Variants in EHF observed in about 807,000 individuals in gnomAD.
EHF encodes the protein ESE3 transcription factor.
In EHF, 14 loss-of-function variants were observed where a neutral mutation model predicts 45.1. The observed-to-expected ratio is 0.31, with a 90% CI of 0.21 to 0.49. The LOEUF (loss-of-function observed/expected upper bound fraction) is 0.49, where lower values mean the gene tolerates loss of function less well. Ranked by LOEUF, EHF falls within the 20% of genes least tolerant of loss-of-function variation. The probability of loss-of-function intolerance (pLI) is 0.99; values close to 1 mark genes in which losing one functional copy is unlikely to be tolerated. For missense variants in EHF, 282 were observed against 371.4 expected (o/e 0.76, Z 1.98); for synonymous variants, 136 against 131.8 (o/e 1.03, Z -0.22).
intron 2 of EHF, among the ~76,000 whole-genome samples, chr11:34,644,283 A>G (rs1380361440): frequency 6.6e-6 from 1 of 152,250 alleles, no homozygotes; most frequent in African/African-American, 2.4e-5. Flanking sequence ...TAGAAAAAGA[A>G]AGATGAAAGA....
At chr11:34,636,528 C>T (rs1384070007) in intron 1 of EHF, among the ~76,000 whole-genome samples, 5 of 152,214 alleles carry the variant, frequency 3.3e-5, no homozygotes, top group East Asian at 1.9e-4. Context: ...ACATATGAGA[C>T]GTTATGCTGG....
At chr11:34,621,890 GACAAGCTAACCCTTTGTTT>G (rs1196741789) in intron 1 of EHF, among the ~76,000 whole-genome samples, 5 of 152,262 alleles carry the variant, frequency 3.3e-5, no homozygotes, top group Middle Eastern at 3.4e-3. Flanking sequence ...ATAACAAGGG[GACAAGCTAACCCTTTGTTT>G]ACAAACTAAC....
chr11:34,651,786 C>T lies in EHF; in HGVS notation c.525C>T (p.Thr175=). The T allele has an allele frequency of 6.2e-7, 1 of 1,613,884 alleles. No homozygotes were observed. ...TFCRAQISMT[T]TSHLPVAESP... ...GCCGGGCTCAGATCTCCATGACAAC[C>T]ACCAGTCACCTTCCTGTTGGTAAGC... Residue 175 remains threonine, a synonymous_variant, in exon 6 of 9, where the codon ACC becomes ACT. Transcript: ENST00000257831.
chr11:34,632,281 C>T (rs1397018562), intron 1 of EHF, among the ~76,000 whole-genome samples: 1 of 152,148 alleles, frequency 6.6e-6, no homozygotes, highest in East Asian at 1.9e-4. Context: ...AACTCTGCTG[C>T]CAACTCAAAT....
At chr11:34,658,768 G>A (rs1248169067) in intron 8 of EHF, 40 bp downstream of exon 8, 14 of 1,607,770 alleles carry the variant, frequency 8.7e-6, no homozygotes, top group Admixed American at 1.7e-5. Flanking sequence ...AAGGCTGTAC[G>A]ACCCATTATT....
chr11:34,651,952 G>C, intron 6 of EHF, 147 bp downstream of exon 6: 1 of 764,520 alleles, frequency 1.3e-6, no homozygotes, highest in Non-Finnish European at 2.0e-6. Flanking sequence ...GACGAGGTTT[G>C]CTTTTGAGGC....
intron 3 of EHF, 57 bp from the exon 4 acceptor site, chr11:34,648,962 C>T: frequency 6.6e-7 from 1 of 1,511,330 alleles, no homozygotes; most frequent in Non-Finnish European, 9.2e-7. Context: ...CTTATTTAAG[C>T]ATCCAGTTCT....
chr11:34,658,198 G>T (rs891841787), intron 7 of EHF, among the ~76,000 whole-genome samples: 1 of 152,218 alleles, frequency 6.6e-6, no homozygotes, highest in Non-Finnish European at 1.5e-5. Context: ...GCAATTTGTG[G>T]ATAATAACTA....
chr11:34,651,456 G>GTTGA (rs779790806), intron 4 of EHF, 86 bp from the exon 5 acceptor site: 89 of 1,129,056 alleles, frequency 7.9e-5, no homozygotes, highest in Non-Finnish European at 1.1e-4. Flanking sequence ...CCCATACTTT[G>GTTGA]TTGATGAACA....
chr11:34,651,457 T>C, intron 4 of EHF, 85 bp from the exon 5 acceptor site: 1 of 1,138,828 alleles, frequency 8.8e-7, no homozygotes, highest in South Asian at 1.3e-5. Flanking sequence ...CCATACTTTG[T>C]TGATGAACAA....
intron 4 of EHF, among the ~76,000 whole-genome samples, chr11:34,649,657 C>G (rs1854948089): frequency 1.3e-5 from 2 of 152,216 alleles, no homozygotes; most frequent in Non-Finnish European, 2.9e-5. Flanking sequence ...TCTACAGTCC[C>G]ATAGCATCTA....
chr11:34,644,323 C>A (rs1854306699), intron 2 of EHF, among the ~76,000 whole-genome samples: 1 of 152,202 alleles, frequency 6.6e-6, no homozygotes, highest in Non-Finnish European at 1.5e-5. Context: ...TATATCCCAT[C>A]CTTAAACAGC....
intron 1 of EHF, chr11:34,631,705 G>T (rs923455480): frequency 8.3e-6 from 3 of 361,104 alleles, no homozygotes; most frequent in Non-Finnish European, 1.2e-5. Flanking sequence ...TATGCTTTTT[G>T]CCCAGGGCTG....
chr11:34,624,185 A>T, intron 1 of EHF: 10 of 539,102 alleles, frequency 1.9e-5, no homozygotes, highest in Non-Finnish European at 2.4e-5. Flanking sequence ...TTGACGTGAC[A>T]CTCATTTCTG....
rs146439677 is a variant in EHF, at chr11:34,646,637, C to T, written c.296C>T (p.Thr99Met). The change falls in exon 3 of 9, where the codon ACG becomes ATG. Residue 99 changes from threonine to methionine, a missense_variant. This residue lies in a region of EHF where 213 missense variants were observed against 247.3 expected (regional missense o/e 0.86). Coordinates refer to ENST00000257831, the MANE Select transcript of EHF (RefSeq NM_012153.6). The stretch of plus-strand genomic sequence containing the variant: ...CAGGAGTTCACCCGGGCGGCAGGGA[C>T]GGCGGGGCAGCTCCTCTACAGCAAC... Reference protein sequence around the residue: ...SLQEFTRAAGTAGQLLYSNLQ... With the variant: ...SLQEFTRAAGMAGQLLYSNLQ... 146 of 1,613,492 alleles carry T rather than the reference C, an allele frequency of 9.0e-5. No individual in the cohort carries two copies. In the African/African-American group the frequency reaches 1.3e-3, roughly 14 times the overall value.
At position 34,642,709 on chromosome 11, in the gene EHF, A is replaced by G. The variant is rs1416548960; in HGVS notation, c.79A>G (p.Ser27Gly). 6.2e-7 allele frequency: 1 copy of G among 1,613,862 alleles called. No individual in the cohort carries two copies. Among genetic ancestry groups the G allele is most frequent in the Non-Finnish European group, 8.5e-7 (1 of 1,179,892 alleles). Residue 27 changes from serine to glycine, a missense_variant, in exon 2 of 9, where the codon AGC becomes GGC. By Grantham distance (56) the Ser-to-Gly change is moderately conservative (BLOSUM62 0). Around this residue, in one of 3 missense-constraint regions of EHF, gnomAD observed 213 missense variants for 247.3 expected, o/e 0.86. Coordinates refer to ENST00000257831, the MANE Select transcript of EHF (RefSeq NM_012153.6). ...LLHQPPAWTDSYSTCNVSSGF... is the reference protein window; with the variant it reads ...LLHQPPAWTDGYSTCNVSSGF... The stretch of plus-strand genomic sequence containing the variant: ...TCACCAGCCGCCAGCCTGGACAGAC[A>G]GCTACTCCACGTGCAATGGTAAGAG...
rs1489929156 is a variant in EHF at position 34,656,853 on chromosome 11, A to G, written c.545-55A>G. The stretch of plus-strand genomic sequence containing the variant: ...GTTTAAATGAGTGGATGCATGAATA[A>G]AAAAGAGAATTATAGGAAATAGGTC... On this transcript the variant is annotated intron_variant, in intron 6 of 8. Coordinates refer to ENST00000257831, the MANE Select transcript of EHF (RefSeq NM_012153.6). The G allele has an allele frequency of 3.2e-6, 5 of 1,585,786 alleles. No individual in the cohort carries two copies. The African/African-American group carries it at 4.1e-5, about 13-fold the overall frequency.
intron 3 of EHF, among the ~76,000 whole-genome samples, chr11:34,647,428 A>C (rs1590506199): frequency 6.6e-6 from 1 of 152,180 alleles, no homozygotes. Context: ...CATATCCTAT[A>C]CTGACATGTA....
chr11:34,645,957 C>G (rs1443513416), intron 2 of EHF, among the ~76,000 whole-genome samples: 1 of 151,140 alleles, frequency 6.6e-6, no homozygotes, highest in Non-Finnish European at 1.5e-5. Context: ...TGAGGAAAAG[C>G]AAAGGCATCG....
Sources: allele counts gnomAD v4.1 joint callset (sites outside exome capture counted in the v4.1 genomes callset), GRCh38; gene constraint gnomAD v4.1.1; regional missense constraint gnomAD v4.1.1; transcripts MANE v1.5; gene names NCBI Gene and HGNC (gene_info 2026-07-23, HGNC 2026-07-21).